The following KCNJ6 variants were observed in gnomAD, a reference collection of about 807,000 sequenced individuals.
The protein encoded by KCNJ6 is G protein-activated inward rectifier potassium channel 2.
In KCNJ6, 9 loss-of-function variants were observed where a neutral mutation model predicts 34.2. The observed-to-expected ratio is 0.26, with a 90% CI of 0.16 to 0.46. The LOEUF (loss-of-function observed/expected upper bound fraction) is 0.46. KCNJ6 is among the 20% of genes least tolerant of loss of function. The pLI is 1.00. For synonymous variants in KCNJ6, 196 were observed against 207.1 expected, an observed-to-expected ratio of 0.95 and a Z score of 0.46; for missense variants, 236 against 531.3, an observed-to-expected ratio of 0.44 and a Z score of 5.46.
In KCNJ6 at chr21:37,625,452, T is replaced by G; in HGVS notation, c.979A>C (p.Thr327Pro). 6.2e-7 allele frequency: 1 copy of G among 1,613,870 alleles called. No individual in the cohort carries two copies. Among genetic ancestry groups the G allele is most frequent in the South Asian group, 1.1e-5 (1 of 91,044 alleles). ...CGGTAACCCCACAGGATCTCACTGG[T>G]GATGTAGGAGCTTCGAGCTTGGCAT... ...MTCQARSSYI[T>P]SEILWGYRFT... The change falls in exon 4 of 4, where the codon ACC becomes CCC. Residue 327 changes from threonine (T) to proline (P), a missense_variant. By Grantham distance (38) the Thr-to-Pro change is conservative. Coordinates refer to ENST00000609713, the MANE Select transcript of KCNJ6 (RefSeq NM_002240.5).
At chr21:37,681,782 A>G (rs1601417056) in intron 3 of KCNJ6, among the ~76,000 whole-genome samples, 1 of 6,704 alleles carries the variant, frequency 1.5e-4, no homozygotes, top group Admixed American at 5.3e-3. Context: ...GAGAGGACGA[A>G]GAGAGGAGTA....
At chr21:37,737,279 G>T (rs1238736399) in intron 2 of KCNJ6, among the ~76,000 whole-genome samples, 1 of 152,158 alleles carries the variant, frequency 6.6e-6, no homozygotes, top group Non-Finnish European at 1.5e-5. Context: ...GTGCTTATCA[G>T]TCATTTATTC....
intron 2 of KCNJ6, among the ~76,000 whole-genome samples, chr21:37,791,372 TC>T (rs1011059138): frequency 6.6e-6 from 1 of 152,170 alleles, no homozygotes; most frequent in Non-Finnish European, 1.5e-5. Context: ...CATCTGACTA[TC>T]CCCCGTCACA....
chr21:37,864,561 A>G (rs1258112404), intron 1 of KCNJ6, among the ~76,000 whole-genome samples: 1 of 152,196 alleles, frequency 6.6e-6, no homozygotes, highest in African/African-American at 2.4e-5. Context: ...CCAGACTTGT[A>G]AGCTCTGTGC....
chr21:37,611,964 A>T lies in KCNJ6; in HGVS notation c.*13195T>A, dbSNP rs2054244237. 1 of 152,220 alleles carries T rather than the reference A, an allele frequency of 6.6e-6. No individual in the cohort carries two copies. Among genetic ancestry groups the T allele is most frequent in the Admixed American group, 6.5e-5 (1 of 15,282 alleles). 9.4% of individuals were successfully genotyped at this position (152,220 alleles called of 1,614,324 possible). On this transcript the variant is annotated 3_prime_UTR_variant, in exon 4 of 4. Transcript: ENST00000609713. Reference sequence around the variant, plus strand: ...CATCACTACTGCTTTTCAACATGATACTGGAAGTCCTGGCTGATGCAATAA... The same window carrying T: ...CATCACTACTGCTTTTCAACATGATTCTGGAAGTCCTGGCTGATGCAATAA...
chr21:37,807,946 G>A (rs893347109), intron 2 of KCNJ6, among the ~76,000 whole-genome samples: 8 of 152,154 alleles, frequency 5.3e-5, no homozygotes, highest in African/African-American at 1.4e-4. Context: ...CAGATAGGGG[G>A]CGAGCATGTC....
At chr21:37,863,289 G>A (rs2123604162) in intron 1 of KCNJ6, among the ~76,000 whole-genome samples, 1 of 152,288 alleles carries the variant, frequency 6.6e-6, no homozygotes, top group East Asian at 1.9e-4. Flanking sequence ...ACTACTTACT[G>A]TGCCTCCACA....
chr21:37,699,543 G>T (rs2054679886), intron 3 of KCNJ6, among the ~76,000 whole-genome samples: 1 of 152,202 alleles, frequency 6.6e-6, no homozygotes, highest in African/African-American at 2.4e-5. Context: ...GAGGAGATTT[G>T]CCAGGGAAAT....
intron 1 of KCNJ6, among the ~76,000 whole-genome samples, chr21:37,848,474 T>C (rs1361400966): frequency 2.0e-5 from 3 of 152,174 alleles, no homozygotes; most frequent in Non-Finnish European, 2.9e-5. Flanking sequence ...AAAGCCCTCT[T>C]TGCAATAAGG....
At chr21:37,665,514 T>G (rs1487146708) in intron 3 of KCNJ6, among the ~76,000 whole-genome samples, 1 of 152,180 alleles carries the variant, frequency 6.6e-6, no homozygotes, top group Non-Finnish European at 1.5e-5. Flanking sequence ...GGAAAGTAAT[T>G]TTTAATTACT....
intron 1 of KCNJ6, among the ~76,000 whole-genome samples, chr21:37,879,081 C>G (rs1672094432): frequency 1.3e-5 from 2 of 152,132 alleles, no homozygotes; most frequent in African/African-American, 4.8e-5. Context: ...AACAGCAAGT[C>G]AATGCAACAG....
intron 3 of KCNJ6, among the ~76,000 whole-genome samples, chr21:37,643,479 G>C (rs557780347): frequency 2.6e-5 from 4 of 152,264 alleles, no homozygotes; most frequent in African/African-American, 9.6e-5. Context: ...CCTTGCTCCT[G>C]GAAAAGGAAG....
intron 3 of KCNJ6, among the ~76,000 whole-genome samples, chr21:37,688,367 A>G (rs1185087486): frequency 7.2e-5 from 9 of 125,786 alleles, no homozygotes; most frequent in Admixed American, 3.8e-4. Context: ...GTATTTTAAA[A>G]GCATTTTTTT....
At chr21:37,745,964 G>A (rs702864) in intron 2 of KCNJ6, among the ~76,000 whole-genome samples, 22,185 of 152,154 alleles carry the variant, frequency 0.15, 1,778 homozygotes, top group Admixed American at 0.2. Flanking sequence ...GGAAACCCAA[G>A]CTCAAGGTGC....
At chr21:37,703,116 G>A (rs2054700127) in intron 3 of KCNJ6, among the ~76,000 whole-genome samples, 3 of 152,136 alleles carry the variant, frequency 2.0e-5, no homozygotes. Flanking sequence ...GTATAGTTTT[G>A]TTTTTCTTTG....
intron 3 of KCNJ6, among the ~76,000 whole-genome samples, chr21:37,684,123 G>A (rs1019431564): frequency 5.3e-5 from 8 of 151,022 alleles, no homozygotes; most frequent in Middle Eastern, 3.4e-3. Context: ...TGGCTTGAAT[G>A]ACAGAAATGT....
At chr21:37,671,150 G>T (rs945781607) in intron 3 of KCNJ6, among the ~76,000 whole-genome samples, 1 of 152,188 alleles carries the variant, frequency 6.6e-6, no homozygotes, top group African/African-American at 2.4e-5. Context: ...GCTTCCGGGT[G>T]GGGGCTGGCC....
At chr21:37,793,900 C>T (rs1425016937) in intron 2 of KCNJ6, among the ~76,000 whole-genome samples, 1 of 152,184 alleles carries the variant, frequency 6.6e-6, no homozygotes, top group Non-Finnish European at 1.5e-5. Context: ...AAATGGAAGG[C>T]AGGAAATGAC....
At chr21:37,865,683 A>G (rs561818075) in intron 1 of KCNJ6, among the ~76,000 whole-genome samples, 2 of 152,242 alleles carry the variant, frequency 1.3e-5, no homozygotes, top group African/African-American at 4.8e-5. Context: ...TGATGCTTTC[A>G]TAAATGATAA....
Sources: allele counts gnomAD v4.1 joint callset (sites outside exome capture counted in the v4.1 genomes callset), GRCh38; gene constraint gnomAD v4.1.1; transcripts MANE v1.5; gene names NCBI Gene and HGNC (gene_info 2026-07-23, HGNC 2026-07-21).